Variants in RTP2 observed in about 807,000 individuals in gnomAD.
RTP2 encodes receptor transporter protein 2, also known as receptor-transporting protein 2.
Under a neutral mutation model 17.9 loss-of-function variants are expected in RTP2, and 12 were observed. The ratio of observed to expected loss-of-function variants is 0.67; its 90% confidence interval spans 0.43 to 1.09. The LOEUF is 1.09. Ranked by LOEUF, RTP2 falls within the 50% of genes least tolerant of loss-of-function variation. RTP2 has a pLI of 0.00. For synonymous variants in RTP2, 126 were observed against 117.7 expected (o/e 1.07, Z -0.46); for missense variants, 327 against 295.7 (o/e 1.11, Z -0.78).
At chr3:187,698,636 G>C (rs1393940223) in exon 2 of RTP2, 2 of 1,614,128 alleles carry the variant, frequency 1.2e-6, no homozygotes, top group African/African-American at 2.7e-5. Flanking sequence ...AGGCTTCAGA[G>C]GTGTAGGTGG....
chr3:187,698,935 C>T lies in RTP2; in HGVS notation c.241G>A (p.Ala81Thr), dbSNP rs762080015. Residue 81 changes from alanine (A) to threonine (T), a missense_variant, in exon 2 of 2, where the codon GCC (alanine) becomes ACC (threonine). Ala to Thr is a moderately conservative substitution (Grantham distance 58). Transcript: ENST00000358241. Reference sequence around the variant, plus strand: ...ATGCGCACCGAGCCCGCCCGCTGGGCGCGGTCCAGGAACATGTGGAAGAGG... The same window carrying T: ...ATGCGCACCGAGCCCGCCCGCTGGGTGCGGTCCAGGAACATGTGGAAGAGG... The T allele has an allele frequency of 9.3e-6, 15 of 1,608,770 alleles. No homozygotes were observed. The highest frequency in any genetic ancestry group is 1.3e-5 in the African/African-American group (1 of 74,798).
the RTP2 span, among the ~76,000 whole-genome samples, chr3:187,712,226 C>T: frequency 6.6e-6 from 1 of 152,114 alleles, no homozygotes; most frequent in Admixed American, 6.5e-5. Context: ...GGATATTGTG[C>T]TATCGTTAGG....
At chr3:187,713,324 A>G in the RTP2 span, among the ~76,000 whole-genome samples, 1 of 152,240 alleles carries the variant, frequency 6.6e-6, no homozygotes, top group Non-Finnish European at 1.5e-5. Flanking sequence ...CACTGTTGTG[A>G]GTTGAAAAAG....
intron 1 of RTP2, among the ~76,000 whole-genome samples, chr3:187,699,463 C>G (rs1717786194): frequency 6.6e-6 from 1 of 152,150 alleles, no homozygotes; most frequent in Non-Finnish European, 1.5e-5. Flanking sequence ...ACTCATGCAT[C>G]TTGCTTACTT....
upstream of RTP2, among the ~76,000 whole-genome samples, chr3:187,703,267 C>G (rs1335271776): frequency 2.0e-5 from 3 of 152,208 alleles, no homozygotes; most frequent in Non-Finnish European, 2.9e-5. Flanking sequence ...GATCCCTAGA[C>G]ACGCAGAGTT....
At chr3:187,713,499 T>G in the RTP2 span, among the ~76,000 whole-genome samples, 1 of 151,104 alleles carries the variant, frequency 6.6e-6, no homozygotes, top group Non-Finnish European at 1.5e-5. Flanking sequence ...GCAGTGGGCT[T>G]GAGCAAGCAC....
At chr3:187,709,525 A>G in the RTP2 span, among the ~76,000 whole-genome samples, 1 of 152,146 alleles carries the variant, frequency 6.6e-6, no homozygotes, top group African/African-American at 2.4e-5. Context: ...CTCTACTAAA[A>G]ATACAAAAAA....
chr3:187,698,848 G>A (rs1439962852), exon 2 of RTP2: 1 of 1,613,080 alleles, frequency 6.2e-7, no homozygotes, highest in Admixed American at 1.7e-5. Flanking sequence ...TTCTCCTCCA[G>A]CATGCTGGAC....
chr3:187,698,448 C>G (rs1717742173), exon 2 of RTP2: 1 of 1,497,090 alleles, frequency 6.7e-7, no homozygotes, highest in Non-Finnish European at 9.0e-7. Context: ...CAGACTGTGT[C>G]CTCCCCACTC....
At chr3:187,705,204 A>T (rs1717961763), upstream of RTP2, among the ~76,000 whole-genome samples, 1 of 151,990 alleles carries the variant, frequency 6.6e-6, no homozygotes, top group Non-Finnish European at 1.5e-5. Flanking sequence ...GTTAGGAAGG[A>T]AGAATATAGA....
chr3:187,712,534 C>A, the RTP2 span, among the ~76,000 whole-genome samples: 8 of 152,118 alleles, frequency 5.3e-5, no homozygotes, highest in Non-Finnish European at 8.8e-5. Context: ...TGTAGAGGAA[C>A]TTTGAGCCCC....
chr3:187,711,214 T>A, the RTP2 span, among the ~76,000 whole-genome samples: 1 of 152,198 alleles, frequency 6.6e-6, no homozygotes, highest in Admixed American at 6.5e-5. Flanking sequence ...ATGCATTCAG[T>A]AAGCATTTAT....
intron 1 of RTP2, 92 bp downstream of exon 1, chr3:187,701,873 G>GCCTGC: frequency 8.4e-7 from 1 of 1,183,642 alleles, no homozygotes; most frequent in Non-Finnish European, 1.2e-6. Flanking sequence ...ACCAGAATAA[G>GCCTGC]CCCGCGACTG....
upstream of RTP2, among the ~76,000 whole-genome samples, chr3:187,707,099 A>G (rs1718011411): frequency 6.6e-6 from 1 of 151,986 alleles, no homozygotes; most frequent in South Asian, 2.1e-4. Flanking sequence ...AGCTAGGTCT[A>G]TGGGCCAAAA....
rs761154944 is a variant in RTP2, at chr3:187,698,499, TA to T, written c.676del (p.Ter226SerfsTer5). On this transcript the variant is annotated frameshift_variant and stop_lost, in exon 2 of 2. Coordinates refer to ENST00000358241, the Ensembl canonical transcript of RTP2. LOFTEE classifies it high-confidence loss of function. ...CTCTCCCACCCTTAACCAGCTCCAC[TA>T]AAAGAAGGCAGGACTGAGGAAGGAG... 21 of 1,602,124 alleles carry T rather than the reference TA, an allele frequency of 1.3e-5. No individual in the cohort carries two copies.
chr3:187,702,244 G>C, exon 1 of RTP2: 1 of 1,007,836 alleles, frequency 9.9e-7, no homozygotes, highest in Non-Finnish European at 1.5e-6. Flanking sequence ...GGCAGGACTG[G>C]GAGTAAACAG....
At chr3:187,700,959 CT>C (rs762003701) in intron 1 of RTP2, among the ~76,000 whole-genome samples, 2 of 152,202 alleles carry the variant, frequency 1.3e-5, no homozygotes, top group Non-Finnish European at 2.9e-5. Context: ...CGTAAGCTCC[CT>C]ACCCACATCT....
chr3:187,709,290 G>A, the RTP2 span, among the ~76,000 whole-genome samples: 1 of 152,192 alleles, frequency 6.6e-6, no homozygotes, highest in Non-Finnish European at 1.5e-5. Flanking sequence ...CAGATTCGGA[G>A]CTTGTTTGTG....
At chr3:187,698,425 G>T in exon 2 of RTP2, 3 of 1,336,652 alleles carry the variant, frequency 2.2e-6, no homozygotes, top group Non-Finnish European at 3.1e-6. Flanking sequence ...TGAATCTGTA[G>T]CAGGATCAAG....
Sources: allele counts gnomAD v4.1 joint callset (sites outside exome capture counted in the v4.1 genomes callset), GRCh38; gene constraint gnomAD v4.1.1; transcripts MANE v1.5; gene names NCBI Gene and HGNC (gene_info 2026-07-23, HGNC 2026-07-21).